Variants in CCDC138 observed in about 807,000 individuals in gnomAD.
The protein encoded by CCDC138 is coiled-coil domain containing 138.
Under a neutral mutation model 82.3 loss-of-function variants are expected in CCDC138, and 66 were observed. That is an observed-to-expected ratio of 0.80 (90% confidence interval 0.66 to 0.98). The LOEUF is 0.98. Ranked by LOEUF, CCDC138 falls within the 50% of genes least tolerant of loss-of-function variation. CCDC138 has a pLI of 0.00. For synonymous variants in CCDC138, 297 were observed against 265.4 expected, an observed-to-expected ratio of 1.12 and a Z score of -1.16; for missense variants, 816 against 758.9, an observed-to-expected ratio of 1.08 and a Z score of -0.88.
intron 10 of CCDC138, among the ~76,000 whole-genome samples, chr2:108,819,629 A>T (rs1399556746): frequency 2.0e-5 from 3 of 152,212 alleles, no homozygotes; most frequent in African/African-American, 7.2e-5. Flanking sequence ...CCCAGAGAAG[A>T]CACATGTCTC....
At chr2:108,823,887 G>A (rs926331665) in intron 10 of CCDC138, among the ~76,000 whole-genome samples, 1 of 151,402 alleles carries the variant, frequency 6.6e-6, no homozygotes, top group East Asian at 2.0e-4. Context: ...TGAGGCAAGA[G>A]AATTGCTTTA....
rs1420918245 is a variant in CCDC138 at position 108,876,210 on chromosome 2, G to A, written c.1955G>A (p.Gly652Asp). The change falls in exon 15 of 15, where the codon GGT becomes GAT. Residue 652 changes from glycine to aspartate, a missense_variant. Gly to Asp is a moderately conservative substitution (Grantham distance 94). Coordinates refer to ENST00000295124, the MANE Select transcript of CCDC138 (RefSeq NM_144978.3). ...INLNSTLFNLGLTKCNSLVSS... is the reference protein window; with the variant it reads ...INLNSTLFNLDLTKCNSLVSS... ...CTAAATTCAACTCTGTTCAATCTGG[G>A]TTTAACAAAATGTAACTCCCTGGTC... The A allele has an allele frequency of 2.5e-6, 4 of 1,612,804 alleles. No homozygotes were observed. The highest frequency in any genetic ancestry group is 3.4e-6 in the Non-Finnish European group (4 of 1,179,320).
At chr2:108,796,715 A>C (rs549405599) in intron 5 of CCDC138, among the ~76,000 whole-genome samples, 2 of 152,330 alleles carry the variant, frequency 1.3e-5, no homozygotes, top group African/African-American at 4.8e-5. Context: ...GAAATAAGCC[A>C]GGCACAGAAG....
chr2:108,857,066 C>CTTTTTTT lies in CCDC138; in HGVS notation c.1693+121_1693+127dup, dbSNP rs35540493. The CTTTTTTT allele has an allele frequency of 1.1e-3, 48 of 44,092 alleles. 13 individuals carry two copies. Among genetic ancestry groups the CTTTTTTT allele is most frequent in the African/African-American group, 3.7e-3 (30 of 8,088 alleles). 2.7% of individuals were successfully genotyped at this position (44,092 alleles called of 1,614,324 possible). A position where few individuals can be genotyped will look rare whatever the true frequency, so the allele number is the denominator to read the frequency against. On this transcript the variant is annotated intron_variant, in intron 13 of 14. Coordinates refer to ENST00000295124, the MANE Select transcript of CCDC138 (RefSeq NM_144978.3). ...TAACTCCACATATCAGATACTATTG[C>CTTTTTTT]TTTTTTTTTTTTTTTTTTTTTTTTT...
At chr2:108,864,583 G>T (rs1383046152) in intron 13 of CCDC138, among the ~76,000 whole-genome samples, 2 of 151,994 alleles carry the variant, frequency 1.3e-5, no homozygotes, top group Admixed American at 6.6e-5. Flanking sequence ...AGATCACGAG[G>T]TTAGGAGATC....
chr2:108,876,299 C>A lies in CCDC138; in HGVS notation c.*46C>A. ...AGTATATGTGGTGCTTATTTATAAA[C>A]ATGTAGAAATTACCAAAGTAACTAC... is the stretch of plus-strand genomic sequence containing the variant. On this transcript the variant is annotated 3_prime_UTR_variant, in exon 15 of 15. Coordinates refer to ENST00000295124, the MANE Select transcript of CCDC138 (RefSeq NM_144978.3). The A allele has an allele frequency of 1.8e-6, 2 of 1,091,188 alleles. No homozygotes were observed. Among genetic ancestry groups the A allele is most frequent in the Non-Finnish European group, 2.6e-6 (2 of 782,078 alleles). 67.6% of individuals were successfully genotyped at this position (1,091,188 alleles called of 1,614,324 possible).
chr2:108,816,718 T>TG (rs1360034951), intron 10 of CCDC138, among the ~76,000 whole-genome samples: 1 of 152,136 alleles, frequency 6.6e-6, no homozygotes, highest in Admixed American at 6.5e-5. Flanking sequence ...GTGTTAGAGA[T>TG]GGGGTCTCCT....
Position 108,804,871 on chromosome 2 carries a change from T to TC in CCDC138, c.736-18_736-17insC. The TC allele has an allele frequency of 6.7e-7, 1 of 1,493,820 alleles. No individual in the cohort carries two copies. Among genetic ancestry groups the TC allele is most frequent in the Non-Finnish European group, 8.9e-7 (1 of 1,128,906 alleles). The allele number at this position is 1,493,820 out of a possible 1,614,324, so 92.5% of individuals were successfully genotyped here. On this transcript the variant is annotated splice_polypyrimidine_tract_variant and intron_variant, in intron 6 of 14. Coordinates refer to ENST00000295124, the MANE Select transcript of CCDC138 (RefSeq NM_144978.3). Reference sequence around the variant, plus strand: ...TCCTTACAAGTTTTAGATGAGAGTTTTTTTTTTCTCCTCCTAGCAGCATGA... The same window carrying TC: ...TCCTTACAAGTTTTAGATGAGAGTTTCTTTTTTTCTCCTCCTAGCAGCATGA...
chr2:108,862,322 G>T (rs566378582), intron 13 of CCDC138, among the ~76,000 whole-genome samples: 1 of 152,264 alleles, frequency 6.6e-6, no homozygotes, highest in South Asian at 2.1e-4. Context: ...ATGTTTCAAA[G>T]CATTGTGTTT....
chr2:108,794,135 T>C (rs1207289223), intron 4 of CCDC138, among the ~76,000 whole-genome samples: 3 of 152,346 alleles, frequency 2.0e-5, no homozygotes, highest in South Asian at 2.1e-4. Flanking sequence ...CTTTTAAGAT[T>C]AAGTAGTGGA....
chr2:108,822,678 A>G (rs1287584766), intron 10 of CCDC138, among the ~76,000 whole-genome samples: 1 of 152,226 alleles, frequency 6.6e-6, no homozygotes, highest in East Asian at 1.9e-4. Context: ...TGAAAATTTA[A>G]AAACTCACTC....
At chr2:108,817,438 G>A (rs1684978733) in intron 10 of CCDC138, among the ~76,000 whole-genome samples, 1 of 151,990 alleles carries the variant, frequency 6.6e-6, no homozygotes, top group African/African-American at 2.4e-5. Context: ...GACTACAGGT[G>A]TGTGCCACCA....
rs905584259 is a variant in CCDC138, at chr2:108,827,456, A to G, written c.1206+11351A>G. On this transcript the variant is annotated intron_variant, in intron 10 of 14. Transcript: ENST00000295124. ...TAATTGGATAATCAAGGGATTTTGC[A>G]TGTGCTGGATAGGAAGATTTATTAT... Among the ~76,000 whole-genome samples the G allele has an allele frequency of 2.6e-5, 4 of 152,236 alleles. No homozygotes were observed. In the East Asian group the frequency reaches 7.7e-4, roughly 29 times the overall value.
intron 6 of CCDC138, among the ~76,000 whole-genome samples, chr2:108,804,590 A>G (rs975137053): frequency 2.0e-5 from 3 of 152,174 alleles, no homozygotes; most frequent in Non-Finnish European, 2.9e-5. Context: ...AAATATTTCC[A>G]TGAGTTTGTG....
At chr2:108,848,954 C>G (rs1006040711) in intron 12 of CCDC138, among the ~76,000 whole-genome samples, 1 of 152,068 alleles carries the variant, frequency 6.6e-6, no homozygotes, top group Non-Finnish European at 1.5e-5. Flanking sequence ...GTCTTTACTG[C>G]AGTTATTATA....
chr2:108,852,255 A>G (rs72836519), intron 12 of CCDC138, among the ~76,000 whole-genome samples: 327 of 152,346 alleles, frequency 2.1e-3, no homozygotes, highest in Admixed American at 4.7e-3. Context: ...TAACTGTAAG[A>G]TACAACTCTT....
At chr2:108,844,602 A>AT (rs1467869944) in intron 11 of CCDC138, among the ~76,000 whole-genome samples, 4 of 152,062 alleles carry the variant, frequency 2.6e-5, no homozygotes, top group African/African-American at 4.8e-5. Flanking sequence ...ATGGTGGGTG[A>AT]TTTTAAATTG....
At chr2:108,788,469 A>G (rs1679320906) in intron 2 of CCDC138, among the ~76,000 whole-genome samples, 1 of 152,084 alleles carries the variant, frequency 6.6e-6, no homozygotes, top group South Asian at 2.1e-4. Context: ...CTGTAATCCC[A>G]GCACTTTGGG....
chr2:108,811,247 C>CTCTTTTTTTTTTTTTTTTTTT (rs760937756), intron 7 of CCDC138, among the ~76,000 whole-genome samples: 10 of 113,894 alleles, frequency 8.8e-5, no homozygotes, highest in African/African-American at 2.3e-4. Context: ...TTCTCTCTCT[C>CTCTTTTTTTTTTTTTTTTTTT]TTTTTTTTTT....
Sources: gnomAD v4.1 joint callset for allele counts (sites outside exome capture counted in the v4.1 genomes callset) on GRCh38, gnomAD v4.1.1 for gene constraint, MANE v1.5 for transcripts, NCBI Gene and HGNC (gene_info 2026-07-23, HGNC 2026-07-21) for gene names.